ABLIM3: variants seen among roughly 807,000 people sequenced by gnomAD.
The protein encoded by ABLIM3 is actin-binding LIM protein 3.
ABLIM3 carries 61 observed loss-of-function variants against 109.5 expected under a neutral mutation model. The ratio of observed to expected loss-of-function variants is 0.56; its 90% confidence interval spans 0.45 to 0.69. The LOEUF is 0.69. Among genes scored for constraint, ABLIM3 ranks in the 30% least tolerant of loss-of-function variants. The probability of loss-of-function intolerance (pLI) is 0.00; values close to 1 mark genes in which losing one functional copy is unlikely to be tolerated. For missense variants in ABLIM3, 796 were observed against 889.5 expected (o/e 0.89, Z 1.34); for synonymous variants, 300 against 324.8 (o/e 0.92, Z 0.82).
chr5:149,142,567 TA>T (rs1291766199), intron 2 of ABLIM3, among the ~76,000 whole-genome samples: 1 of 152,102 alleles, frequency 6.6e-6, no homozygotes, highest in South Asian at 2.1e-4. Context: ...CGCAGTTTGA[TA>T]AACAAATAAT....
At chr5:149,249,395 C>A (rs1270161766) in intron 18 of ABLIM3, among the ~76,000 whole-genome samples, 1 of 152,202 alleles carries the variant, frequency 6.6e-6, no homozygotes, top group Non-Finnish European at 1.5e-5. Context: ...AAAACCAAAG[C>A]GTGATTAATT....
intron 3 of ABLIM3, among the ~76,000 whole-genome samples, chr5:149,185,715 A>G (rs1490641209): frequency 6.6e-6 from 1 of 152,238 alleles, no homozygotes; most frequent in Non-Finnish European, 1.5e-5. Context: ...AGCAATCAAC[A>G]TGACAATTAA....
Position 149,259,429 on chromosome 5 carries a change from G to T in ABLIM3, c.*1025G>T. ...TCATCATCCTCCAGAGAGAAAATAG[G>T]CCGTGTCTCAAAGAAAGGTTCTTGG... On this transcript the variant is annotated 3_prime_UTR_variant, in exon 24 of 24. Coordinates refer to ENST00000309868, the MANE Select transcript of ABLIM3 (RefSeq NM_014945.5). 6.6e-7 allele frequency: 1 copy of T among 1,517,422 alleles called. No homozygotes were observed. The highest frequency in any genetic ancestry group is 2.1e-4 in the Middle Eastern group (1 of 4,734). The allele number at this position is 1,517,422 out of a possible 1,614,324, so 94.0% of individuals were successfully genotyped here.
intron 3 of ABLIM3, among the ~76,000 whole-genome samples, chr5:149,197,367 T>A (rs926681744): frequency 6.6e-6 from 1 of 152,154 alleles, no homozygotes; most frequent in African/African-American, 2.4e-5. Context: ...CTGAAAAGCC[T>A]CCCATGATCC....
chr5:149,243,486 G>A (rs1046181688), intron 15 of ABLIM3: 4 of 152,196 alleles, frequency 2.6e-5, no homozygotes, highest in African/African-American at 7.2e-5. Context: ...GGAGATGAGC[G>A]AAGCAGTCCT....
At chr5:149,248,859 GACACACACACAC>G (rs55707887) in intron 18 of ABLIM3, among the ~76,000 whole-genome samples, 36 of 144,698 alleles carry the variant, frequency 2.5e-4, no homozygotes, top group Middle Eastern at 7.0e-3. Flanking sequence ...CCTATTCCTG[GACACACACACAC>G]ACACACACAC....
rs980270588 is a variant in ABLIM3 at position 149,260,528 on chromosome 5, A to G, written c.*2124A>G. The G allele has an allele frequency of 1.3e-5, 2 of 152,538 alleles. No individual in the cohort carries two copies. The highest frequency in any genetic ancestry group is 3.8e-4 in the East Asian group (2 of 5,202). 9.4% of individuals were successfully genotyped at this position (152,538 alleles called of 1,614,324 possible). On this transcript the variant is annotated 3_prime_UTR_variant, in exon 24 of 24. Transcript: ENST00000309868. ...CCTGCACATTTTTCAAAATGAAAGCACCAAAACAGCAGCCACTCCTTTGGC... is the reference window on the plus strand; with the variant it reads ...CCTGCACATTTTTCAAAATGAAAGCGCCAAAACAGCAGCCACTCCTTTGGC...
chr5:149,183,612 T>C, intron 3 of ABLIM3, 23 bp downstream of exon 3: 2 of 1,504,456 alleles, frequency 1.3e-6, no homozygotes, highest in Non-Finnish European at 8.9e-7. Flanking sequence ...GCTCCCCCAC[T>C]CTCTTCTTAG....
chr5:149,213,699 CGA>C (rs1290966026), intron 7 of ABLIM3, among the ~76,000 whole-genome samples: 5 of 152,280 alleles, frequency 3.3e-5, no homozygotes, highest in African/African-American at 1.2e-4. Context: ...GCCGTTTCCC[CGA>C]GAGTTACCGT....
At chr5:149,178,981 C>G (rs79609903) in intron 2 of ABLIM3, among the ~76,000 whole-genome samples, 1 of 152,074 alleles carries the variant, frequency 6.6e-6, no homozygotes. Flanking sequence ...CCCAGCCACA[C>G]GGAGACAAAG....
At chr5:149,174,011 G>C (rs1472444923) in intron 2 of ABLIM3, among the ~76,000 whole-genome samples, 1 of 120,818 alleles carries the variant, frequency 8.3e-6, no homozygotes, top group Non-Finnish European at 1.6e-5. Flanking sequence ...AACAGAGCGA[G>C]ACTCCGTCTC....
At chr5:149,213,038 G>C (rs1390836331) in intron 7 of ABLIM3, among the ~76,000 whole-genome samples, 1 of 152,182 alleles carries the variant, frequency 6.6e-6, no homozygotes, top group African/African-American at 2.4e-5. Context: ...ACTTGAGCCT[G>C]AGAGGTGGAG....
intron 9 of ABLIM3, among the ~76,000 whole-genome samples, chr5:149,231,773 C>G (rs541147776): frequency 1.3e-5 from 2 of 152,270 alleles, no homozygotes; most frequent in East Asian, 3.9e-4. Flanking sequence ...ATGCCTGTTG[C>G]CATATCTGTG....
At chr5:149,252,407 G>A in intron 22 of ABLIM3, 199 bp downstream of exon 22, 1 of 579,714 alleles carries the variant, frequency 1.7e-6, no homozygotes. Flanking sequence ...CTTGCCTACT[G>A]AAATCAGATA....
At chr5:149,153,546 G>A (rs996870626) in intron 2 of ABLIM3, among the ~76,000 whole-genome samples, 2 of 152,334 alleles carry the variant, frequency 1.3e-5, no homozygotes, top group Middle Eastern at 3.4e-3. Flanking sequence ...TGGACAGGAG[G>A]TGAGAGTCCC....
At chr5:149,168,476 T>G (rs190931160) in intron 2 of ABLIM3, among the ~76,000 whole-genome samples, 6 of 152,308 alleles carry the variant, frequency 3.9e-5, no homozygotes, top group Admixed American at 2.6e-4. Flanking sequence ...TTTGCCCATC[T>G]GCCCATCTCT....
intron 4 of ABLIM3, among the ~76,000 whole-genome samples, chr5:149,200,070 GTAAGGT>G (rs1561579281): frequency 2.0e-5 from 3 of 152,196 alleles, no homozygotes; most frequent in African/African-American, 7.2e-5. Context: ...GCCTAGACAA[GTAAGGT>G]CAGATAAGCA....
chr5:149,147,656 C>G (rs144935238), intron 2 of ABLIM3, among the ~76,000 whole-genome samples: 99 of 152,258 alleles, frequency 6.5e-4, no homozygotes, highest in Middle Eastern at 3.4e-3. Context: ...ATCACTTTAT[C>G]TGGAGAAGAG....
At chr5:149,211,125 C>T (rs1377472463) in intron 7 of ABLIM3, among the ~76,000 whole-genome samples, 5 of 151,850 alleles carry the variant, frequency 3.3e-5, no homozygotes, top group East Asian at 1.9e-4. Flanking sequence ...CCAGCCCTGC[C>T]GGAGAAAGGA....
Sources: gnomAD v4.1 joint callset for allele counts (sites outside exome capture counted in the v4.1 genomes callset) on GRCh38, gnomAD v4.1.1 for gene constraint, MANE v1.5 for transcripts, NCBI Gene and HGNC (gene_info 2026-07-23, HGNC 2026-07-21) for gene names.